Variants in RAD51B observed in about 807,000 individuals in gnomAD.
RAD51B encodes the protein DNA repair protein RAD51 homolog 2.
A neutral mutation model predicts 42.2 loss-of-function variants in RAD51B; 38 were observed. The ratio of observed to expected loss-of-function variants is 0.90; its 90% CI spans 0.70 to 1.18. RAD51B has a LOEUF of 1.18. Among genes scored for constraint, RAD51B ranks in the 50% most tolerant of loss-of-function variants. The pLI is 0.00. For synonymous variants in RAD51B, 154 were observed against 145.2 expected (o/e 1.06, Z -0.43); for missense variants, 373 against 400.7 (o/e 0.93, Z 0.59).
At chr14:67,956,610 C>T (rs756077116) in intron 7 of RAD51B, among the ~76,000 whole-genome samples, 5 of 152,076 alleles carry the variant, frequency 3.3e-5, no homozygotes, top group East Asian at 1.9e-4. Flanking sequence ...AGACATTTCA[C>T]GTAGGAAATT....
intron 9 of RAD51B, among the ~76,000 whole-genome samples, chr14:68,424,103 G>A (rs1478233199): frequency 6.6e-6 from 1 of 152,204 alleles, no homozygotes; most frequent in Non-Finnish European, 1.5e-5. Flanking sequence ...CTCTCCTCCA[G>A]TAAGAACCTA....
In RAD51B at chr14:68,448,606, A is replaced by G. The variant is rs943552624; in HGVS notation, c.958-19566A>G. Among the ~76,000 whole-genome samples the G allele has an allele frequency of 5.3e-5, 8 of 152,238 alleles. No homozygotes were observed. The East Asian group carries it at 1.5e-3, about 29-fold the overall frequency. On this transcript the variant is annotated intron_variant, in intron 9 of 10. Coordinates refer to ENST00000471583, the MANE Select transcript of RAD51B (RefSeq NM_133510.4). ...ATTCAGTTCTGAGTAGTCATTGTTT[A>G]TACTTGCTGTAAATATGGTTTTATG...
chr14:68,021,306 G>A (rs989034710), intron 7 of RAD51B, among the ~76,000 whole-genome samples: 9 of 152,188 alleles, frequency 5.9e-5, no homozygotes, highest in Non-Finnish European at 1.2e-4. Context: ...AGGATCAGAT[G>A]CCAGTGATGG....
chr14:68,376,711 AG>A (rs1457687980), intron 8 of RAD51B, among the ~76,000 whole-genome samples: 2 of 152,242 alleles, frequency 1.3e-5, no homozygotes, highest in Admixed American at 1.3e-4. Flanking sequence ...GAACAGGCCC[AG>A]GCAGTCTTCT....
intron 7 of RAD51B, among the ~76,000 whole-genome samples, chr14:67,926,185 CA>C (rs2044500679): frequency 6.6e-6 from 1 of 152,188 alleles, no homozygotes; most frequent in African/African-American, 2.4e-5. Flanking sequence ...ATCGCATTGC[CA>C]GGCTGCACAT....
intron 7 of RAD51B, among the ~76,000 whole-genome samples, chr14:68,088,619 T>C (rs1255474817): frequency 1.5e-5 from 2 of 134,166 alleles, no homozygotes; most frequent in Non-Finnish European, 3.1e-5. Flanking sequence ...CGCGTGTGTG[T>C]GAGACAGAGA....
At chr14:68,081,567 G>A (rs2076912471) in intron 7 of RAD51B, among the ~76,000 whole-genome samples, 1 of 152,228 alleles carries the variant, frequency 6.6e-6, no homozygotes, top group Non-Finnish European at 1.5e-5. Flanking sequence ...TAATAAGCAT[G>A]TTGAATTATG....
intron 7 of RAD51B, among the ~76,000 whole-genome samples, chr14:68,091,341 C>T (rs2077096158): frequency 6.6e-6 from 1 of 152,166 alleles, no homozygotes; most frequent in Non-Finnish European, 1.5e-5. Context: ...GTTCCTTTTT[C>T]TCCATATCCT....
chr14:67,853,653 T>C (rs930827261), intron 4 of RAD51B, among the ~76,000 whole-genome samples: 2 of 152,182 alleles, frequency 1.3e-5, no homozygotes, highest in South Asian at 2.1e-4. Flanking sequence ...CAGATAGATC[T>C]GGTGGGTGGG....
chr14:67,944,200 GAT>G (rs1491479225), intron 7 of RAD51B, among the ~76,000 whole-genome samples: 6 of 130,510 alleles, frequency 4.6e-5, no homozygotes, highest in African/African-American at 2.0e-4. Context: ...AAGAAGTAAA[GAT>G]TTTTTTTTTT....
intron 10 of RAD51B, among the ~76,000 whole-genome samples, chr14:68,477,079 C>A (rs1174722349): frequency 6.6e-6 from 1 of 152,168 alleles, no homozygotes; most frequent in Non-Finnish European, 1.5e-5. Context: ...GAAGACATGA[C>A]CCCCTGAGGC....
At chr14:67,931,944 T>C (rs1328673110) in intron 7 of RAD51B, among the ~76,000 whole-genome samples, 1 of 152,050 alleles carries the variant, frequency 6.6e-6, no homozygotes, top group East Asian at 1.9e-4. Flanking sequence ...TAGTTGCTTC[T>C]TCAAATTTTT....
intron 5 of RAD51B, among the ~76,000 whole-genome samples, chr14:67,876,442 T>C (rs1244382044): frequency 6.6e-6 from 1 of 152,220 alleles, no homozygotes; most frequent in Non-Finnish European, 1.5e-5. Flanking sequence ...TTAATTGACA[T>C]ATGCCTTTTG....
At chr14:68,564,039 G>C (rs2140025235) in intron 10 of RAD51B, 3 of 703,640 alleles carry the variant, frequency 4.3e-6, no homozygotes, top group Non-Finnish European at 5.2e-6. Context: ...GGCCGCACTA[G>C]AGGGCCTGCA....
At chr14:68,314,956 T>C (rs1329851926) in intron 8 of RAD51B, among the ~76,000 whole-genome samples, 1 of 152,230 alleles carries the variant, frequency 6.6e-6, no homozygotes, top group African/African-American at 2.4e-5. Flanking sequence ...TTGTCTCATT[T>C]TAATTGTGTA....
intron 7 of RAD51B, among the ~76,000 whole-genome samples, chr14:68,278,133 T>A (rs1390278638): frequency 6.6e-6 from 1 of 152,204 alleles, no homozygotes; most frequent in African/African-American, 2.4e-5. Flanking sequence ...TCCTATGAAA[T>A]AGGCAATACT....
chr14:68,394,392 T>C (rs2083852466), intron 8 of RAD51B, among the ~76,000 whole-genome samples: 1 of 152,156 alleles, frequency 6.6e-6, no homozygotes, highest in Non-Finnish European at 1.5e-5. Flanking sequence ...GTGGCACAGC[T>C]ACAAGCAATG....
chr14:68,055,705 A>G (rs2076462659), intron 7 of RAD51B, among the ~76,000 whole-genome samples: 1 of 152,194 alleles, frequency 6.6e-6, no homozygotes. Flanking sequence ...TCAGTTAGAT[A>G]TAGGTTAATG....
chr14:68,408,497 G>A (rs1157756333), intron 8 of RAD51B, among the ~76,000 whole-genome samples: 2 of 152,174 alleles, frequency 1.3e-5, no homozygotes, highest in Non-Finnish European at 2.9e-5. Context: ...CATCCACCTT[G>A]TCAAATGGGC....
Sources: gnomAD v4.1 joint callset for allele counts (sites outside exome capture counted in the v4.1 genomes callset) on GRCh38, gnomAD v4.1.1 for gene constraint, MANE v1.5 for transcripts, NCBI Gene and HGNC (gene_info 2026-07-23, HGNC 2026-07-21) for gene names.